TBC1D4: variants seen among roughly 807,000 people sequenced by gnomAD.
TBC1D4 encodes the protein TBC1 domain family member 4, also known as TBC (Tre-2, BUB2, CDC16) domain-containing protein.
A neutral mutation model predicts 142.5 loss-of-function variants in TBC1D4; 121 were observed. That is an observed-to-expected ratio of 0.85 (90% CI 0.73 to 0.99). The LOEUF (loss-of-function observed/expected upper bound fraction) is 0.99. Among genes scored for constraint, TBC1D4 ranks in the 50% least tolerant of loss-of-function variants. The pLI, the probability that TBC1D4 is intolerant of heterozygous loss-of-function variation, is 0.00. For missense variants in TBC1D4, 1,475 were observed against 1,606.6 expected, an observed-to-expected ratio of 0.92 and a Z score of 1.40; for synonymous variants, 630 against 628.2, an observed-to-expected ratio of 1.00 and a Z score of -0.04.
chr13:75,336,780 T>C, intron 8 of TBC1D4, 141 bp downstream of exon 8: 10 of 1,097,258 alleles, frequency 9.1e-6, no homozygotes, highest in Non-Finnish European at 1.3e-5. Flanking sequence ...ATCCTTTTGT[T>C]AAATAATTTT....
intron 5 of TBC1D4, among the ~76,000 whole-genome samples, chr13:75,348,568 C>T (rs1030827965): frequency 1.3e-5 from 2 of 152,008 alleles, no homozygotes; most frequent in Non-Finnish European, 2.9e-5. Context: ...AAGAGATAAA[C>T]GAAAAGGAAG....
intron 1 of TBC1D4, among the ~76,000 whole-genome samples, chr13:75,427,908 C>T (rs1886444421): frequency 6.6e-6 from 1 of 152,128 alleles, no homozygotes; most frequent in Non-Finnish European, 1.5e-5. Context: ...GTGAACTATA[C>T]ATGATGGATT....
At chr13:75,347,430 C>T (rs1301098347) in intron 5 of TBC1D4, among the ~76,000 whole-genome samples, 3 of 152,186 alleles carry the variant, frequency 2.0e-5, no homozygotes, top group Non-Finnish European at 4.4e-5. Context: ...CATATAACTC[C>T]TAAACAGTTA....
chr13:75,446,143 T>C (rs1887274652), intron 1 of TBC1D4, among the ~76,000 whole-genome samples: 2 of 152,226 alleles, frequency 1.3e-5, no homozygotes, highest in African/African-American at 4.8e-5. Context: ...TAATTTTCTC[T>C]CCAAACACCA....
At chr13:75,474,709 T>C (rs1395904238) in intron 1 of TBC1D4, among the ~76,000 whole-genome samples, 2 of 150,412 alleles carry the variant, frequency 1.3e-5, no homozygotes, top group African/African-American at 4.9e-5. Flanking sequence ...CGATCCAGGC[T>C]CACTGCAACC....
At chr13:75,330,052 T>A (rs916757941) in intron 8 of TBC1D4, among the ~76,000 whole-genome samples, 1 of 152,250 alleles carries the variant, frequency 6.6e-6, no homozygotes, top group Non-Finnish European at 1.5e-5. Flanking sequence ...GAGAAATTTT[T>A]AAAATTATTT....
intron 1 of TBC1D4, among the ~76,000 whole-genome samples, chr13:75,391,276 T>C (rs1013073164): frequency 6.6e-6 from 1 of 152,070 alleles, no homozygotes; most frequent in Admixed American, 6.5e-5. Context: ...CTTCCTTTTC[T>C]AACTACTACG....
chr13:75,335,104 C>T (rs1215602163), intron 8 of TBC1D4, among the ~76,000 whole-genome samples: 1 of 152,136 alleles, frequency 6.6e-6, no homozygotes, highest in Non-Finnish European at 1.5e-5. Flanking sequence ...TGTGAATGCT[C>T]GCTCCCCTCC....
intron 1 of TBC1D4, among the ~76,000 whole-genome samples, chr13:75,379,116 C>G (rs1883676008): frequency 6.6e-6 from 1 of 152,032 alleles, no homozygotes; most frequent in African/African-American, 2.4e-5. Flanking sequence ...AATTTAACCT[C>G]AGAAACTTCT....
At chr13:75,374,382 C>T (rs1380607260) in intron 1 of TBC1D4, among the ~76,000 whole-genome samples, 2 of 152,118 alleles carry the variant, frequency 1.3e-5, no homozygotes, top group African/African-American at 4.8e-5. Flanking sequence ...GTCAAACATA[C>T]ATAAAATTTT....
chr13:75,350,964 T>A (rs1332926880), intron 4 of TBC1D4, among the ~76,000 whole-genome samples: 1 of 152,158 alleles, frequency 6.6e-6, no homozygotes, highest in Non-Finnish European at 1.5e-5. Flanking sequence ...CAACTAAAAG[T>A]TCAAATTAGT....
chr13:75,291,298 C>T (rs1480658103), intron 19 of TBC1D4, among the ~76,000 whole-genome samples: 1 of 152,160 alleles, frequency 6.6e-6, no homozygotes, highest in African/African-American at 2.4e-5. Flanking sequence ...TCCTTCTCTG[C>T]CTAGTTCAAC....
intron 1 of TBC1D4, among the ~76,000 whole-genome samples, chr13:75,476,200 G>T (rs752062854): frequency 2.6e-5 from 4 of 152,036 alleles, no homozygotes; most frequent in African/African-American, 9.7e-5. Context: ...CCGAGATCGC[G>T]CCACTGCACT....
chr13:75,480,007 G>C (rs1462435013), intron 1 of TBC1D4, among the ~76,000 whole-genome samples: 1 of 148,496 alleles, frequency 6.7e-6, no homozygotes, highest in Non-Finnish European at 1.5e-5. Flanking sequence ...GCTCCAGCCT[G>C]GGCGACAGAG....
In TBC1D4 at chr13:75,362,847, G is replaced by A. The variant is rs1040914799; in HGVS notation, c.499-240C>T. On this transcript the variant is annotated intron_variant, in intron 1 of 20. Transcript: ENST00000377636. This position sits in a 1 kb window ranked among gnomAD's most constrained non-coding sequence, Gnocchi z 4.2. ...GATTATATTTTCCCACTTTAAATGA[G>A]TCTCCCAGAAACAAAACCATGAAAC... Among the ~76,000 whole-genome samples the A allele has an allele frequency of 5.9e-5, 9 of 152,112 alleles. No individual in the cohort carries two copies. Among genetic ancestry groups the A allele is most frequent in the African/African-American group, 1.9e-4 (8 of 41,420 alleles).
intron 10 of TBC1D4, among the ~76,000 whole-genome samples, chr13:75,324,919 G>A (rs1438257663): frequency 1.3e-5 from 2 of 152,154 alleles, no homozygotes; most frequent in African/African-American, 2.4e-5. Context: ...TGAGGACAGT[G>A]GAATTGTGCC....
intron 1 of TBC1D4, among the ~76,000 whole-genome samples, chr13:75,370,708 A>G (rs1022200926): frequency 6.6e-6 from 1 of 152,164 alleles, no homozygotes; most frequent in African/African-American, 2.4e-5. Flanking sequence ...GGACACATTA[A>G]TTTTGAGAAG....
At chr13:75,398,818 T>C (rs1566460004) in intron 1 of TBC1D4, among the ~76,000 whole-genome samples, 1 of 152,160 alleles carries the variant, frequency 6.6e-6, no homozygotes, top group Admixed American at 6.5e-5. Context: ...CTCCTTTTTC[T>C]TTCTCACCTC....
At chr13:75,480,901 ACACACG>A (rs200993132) in intron 1 of TBC1D4, among the ~76,000 whole-genome samples, 3,027 of 130,286 alleles carry the variant, frequency 0.023, 74 homozygotes, top group African/African-American at 0.051. Flanking sequence ...ACACACACAC[ACACACG>A]GCAAGCAAGC....
Sources: allele counts gnomAD v4.1 joint callset (sites outside exome capture counted in the v4.1 genomes callset), GRCh38; gene constraint gnomAD v4.1.1; non-coding constraint Gnocchi (gnomAD v3.1); transcripts MANE v1.5; gene names NCBI Gene and HGNC (gene_info 2026-07-23, HGNC 2026-07-21).